The following PPP6R2 variants were observed in gnomAD, a reference collection of about 807,000 sequenced individuals.
The protein encoded by PPP6R2 is serine/threonine-protein phosphatase 6 regulatory subunit 2.
In PPP6R2, 62 loss-of-function variants were observed where a neutral mutation model predicts 100.2. The observed-to-expected ratio is 0.62, with a 90% CI of 0.50 to 0.76. The LOEUF is 0.76. Among genes scored for constraint, PPP6R2 ranks in the 30% least tolerant of loss-of-function variants. The probability of loss-of-function intolerance (pLI) is 0.00; values close to 1 mark genes in which losing one functional copy is unlikely to be tolerated. For synonymous variants in PPP6R2, 525 were observed against 514.7 expected (o/e 1.02, Z -0.27); for missense variants, 1,142 against 1,276.3 (o/e 0.89, Z 1.60).
intron 5 of PPP6R2, 59 bp from the exon 6 acceptor site, chr22:50,416,033 T>C (rs2060482479): frequency 6.7e-7 from 1 of 1,486,638 alleles, no homozygotes; most frequent in South Asian, 1.1e-5. Context: ...AGGGGAAAGG[T>C]TCCTGTTGTT....
At chr22:50,381,777 G>A (rs1049603613) in intron 2 of PPP6R2, among the ~76,000 whole-genome samples, 10 of 151,992 alleles carry the variant, frequency 6.6e-5, no homozygotes, top group South Asian at 2.1e-4. Context: ...GCACGGTGGC[G>A]GGCTCCCGTA....
chr22:50,410,763 G>A (rs1435769399), intron 4 of PPP6R2, among the ~76,000 whole-genome samples: 1 of 151,828 alleles, frequency 6.6e-6, no homozygotes, highest in Non-Finnish European at 1.5e-5. Flanking sequence ...GTCACAATTG[G>A]AGGAAACATG....
chr22:50,412,201 C>T (rs1038626219), intron 4 of PPP6R2, among the ~76,000 whole-genome samples: 1 of 151,614 alleles, frequency 6.6e-6, no homozygotes, highest in African/African-American at 2.4e-5. Context: ...GTTATTTTTT[C>T]TTTTTTTGGA....
intron 2 of PPP6R2, among the ~76,000 whole-genome samples, chr22:50,392,340 GAAAAAA>G (rs34539629): frequency 1.3e-3 from 150 of 117,610 alleles, no homozygotes; most frequent in Non-Finnish European, 2.2e-3. Flanking sequence ...TGTCTCTACA[GAAAAAA>G]AAAAAAAAAA....
Position 50,438,279 on chromosome 22 carries a change from C to T in PPP6R2, c.1945C>T (p.Arg649Trp), listed in dbSNP as rs200855171. 3.3e-5 allele frequency: 54 copies of T among 1,612,968 alleles called. No homozygotes were observed. In the East Asian group the frequency reaches 6.7e-4, roughly 20 times the overall value. ...WEDSDTRCAA[R>W]VMARPRFGAP... ...GGACAGTGACACTCGCTGTGCTGCC[C>T]GGGTGATGGCCAGACCCAGGTGCGG... Residue 649 changes from arginine (R) to tryptophan (W), a missense_variant, in exon 18 of 24, where the codon CGG (arginine) becomes TGG (tryptophan). By Grantham distance (101) the Arg-to-Trp change is moderately radical. Around this residue, in one of 2 missense-constraint regions of PPP6R2, gnomAD observed 550 missense variants for 517.4 expected, o/e 1.06. Coordinates refer to ENST00000612753, the MANE Select transcript of PPP6R2 (RefSeq NM_001242898.2).
rs145102720 is a variant in PPP6R2 at position 50,402,601 on chromosome 22, G to A, written c.228-4088G>A. Among the ~76,000 whole-genome samples, 12 of 152,192 alleles carry A rather than the reference G, an allele frequency of 7.9e-5. 2 individuals are homozygous for A. Among genetic ancestry groups the A allele is most frequent in the Admixed American group, 3.9e-4 (6 of 15,278 alleles). ...TTCCCTGTGCCAAGTCAGTCTTCAC[G>A]TGGCCGGCTGCTTCAGTCCTCCAGG... On this transcript the variant is annotated intron_variant, in intron 3 of 23. Coordinates refer to ENST00000612753, the MANE Select transcript of PPP6R2 (RefSeq NM_001242898.2).
At chr22:50,336,198 C>T in the PPP6R2 span, among the ~76,000 whole-genome samples, 1 of 151,730 alleles carries the variant, frequency 6.6e-6, no homozygotes, top group East Asian at 1.9e-4. Flanking sequence ...CCATGTTAGC[C>T]AGGATGGTCT....
chr22:50,338,683 A>ATGTGGTGTG (rs1386613162), upstream of PPP6R2, among the ~76,000 whole-genome samples: 1 of 61,782 alleles, frequency 1.6e-5, no homozygotes, highest in African/African-American at 6.8e-5. Context: ...TGTGTGTAGT[A>ATGTGGTGTG]TGTGGTGTGT....
the PPP6R2 span, among the ~76,000 whole-genome samples, chr22:50,334,600 G>A: frequency 2.6e-5 from 4 of 152,018 alleles, no homozygotes; most frequent in Non-Finnish European, 2.9e-5. Flanking sequence ...GTGGCTTGCC[G>A]CCCACAATTT....
chr22:50,441,317 ACAGTCC>A (rs1350589999), intron 22 of PPP6R2, among the ~76,000 whole-genome samples: 1 of 151,308 alleles, frequency 6.6e-6, no homozygotes, highest in Non-Finnish European at 1.5e-5. Context: ...GATGTCCCAG[ACAGTCC>A]CCCAGGGACT....
At chr22:50,362,137 G>T (rs1270506401) in intron 1 of PPP6R2, among the ~76,000 whole-genome samples, 1 of 152,226 alleles carries the variant, frequency 6.6e-6, no homozygotes, top group Non-Finnish European at 1.5e-5. Context: ...GGAAGGGGAG[G>T]AGTCGGGGCT....
intron 16 of PPP6R2, 91 bp from the exon 17 acceptor site, chr22:50,437,752 G>A: frequency 1.4e-6 from 2 of 1,445,596 alleles, no homozygotes; most frequent in Admixed American, 2.0e-5. Flanking sequence ...GGGTGCTGAG[G>A]CCCCCGATGA....
At chr22:50,355,213 T>C (rs2046213088) in intron 1 of PPP6R2, among the ~76,000 whole-genome samples, 1 of 150,628 alleles carries the variant, frequency 6.6e-6, no homozygotes, top group Non-Finnish European at 1.5e-5. Flanking sequence ...TATATCCACA[T>C]ACAGCAAGCA....
rs777040040 is a variant in PPP6R2, at chr22:50,437,888, T to C, written c.1827T>C (p.Ala609=). ...RIAEINFNID[A]DEDSPSAALF... ...CAGAGATCAACTTCAACATCGACGC[T>C]GACGAGGACAGTGTGAGCAAGCCGG... The change falls in exon 17 of 24, where the codon GCT becomes GCC. Residue 609 remains alanine (A), a synonymous_variant. Coordinates refer to ENST00000612753, the MANE Select transcript of PPP6R2 (RefSeq NM_001242898.2). The C allele has an allele frequency of 2.3e-5, 36 of 1,555,792 alleles. 1 individual carries two copies. In the South Asian group the frequency reaches 3.8e-4, roughly 16 times the overall value.
At chr22:50,424,669 C>T (rs2061840781) in intron 10 of PPP6R2, among the ~76,000 whole-genome samples, 1 of 112,988 alleles carries the variant, frequency 8.9e-6, no homozygotes, top group Non-Finnish European at 1.7e-5. Flanking sequence ...GATGGAGTCT[C>T]TCTCTGTCGC....
chr22:50,406,767 G>C lies in PPP6R2; in HGVS notation c.306G>C (p.Leu102=). 2.5e-6 allele frequency: 4 copies of C among 1,614,084 alleles called. No homozygotes were observed. Among genetic ancestry groups the C allele is most frequent in the Non-Finnish European group, 2.5e-6 (3 of 1,179,974 alleles). The part of the protein sequence containing the change: ...ISDRLGGDES[L]LSLLYDFLDH... ...ACCGCCTCGGTGGGGACGAGAGCCTGCTGAGCCTCCTGTACGACTTCTTGG... is the reference window on the plus strand; with the variant it reads ...ACCGCCTCGGTGGGGACGAGAGCCTCCTGAGCCTCCTGTACGACTTCTTGG... Residue 102 remains leucine, a synonymous_variant, in exon 4 of 24, where the codon CTG becomes CTC. Transcript: ENST00000612753.
chr22:50,396,195 C>CAAAA (rs528437459), intron 3 of PPP6R2, among the ~76,000 whole-genome samples: 11 of 51,604 alleles, frequency 2.1e-4, no homozygotes, highest in East Asian at 6.4e-4. Context: ...GACTCTGGCT[C>CAAAA]AAAAAAAAAA....
chr22:50,356,277 T>C (rs1317414287), intron 1 of PPP6R2, among the ~76,000 whole-genome samples: 5 of 151,906 alleles, frequency 3.3e-5, no homozygotes, highest in African/African-American at 1.2e-4. Context: ...CCTCTTCTTT[T>C]TAACACAGAA....
chr22:50,380,288 G>A (rs1343626047), intron 2 of PPP6R2, among the ~76,000 whole-genome samples: 2 of 151,632 alleles, frequency 1.3e-5, no homozygotes, highest in South Asian at 4.2e-4. Flanking sequence ...AGCCAGGACG[G>A]TCTCGATCTC....
Sources: allele counts gnomAD v4.1 joint callset (sites outside exome capture counted in the v4.1 genomes callset), GRCh38; gene constraint gnomAD v4.1.1; regional missense constraint gnomAD v4.1.1; transcripts MANE v1.5; gene names NCBI Gene and HGNC (gene_info 2026-07-23, HGNC 2026-07-21).